Variants in ANO3 observed in about 807,000 individuals in gnomAD.
ANO3 encodes anoctamin 3.
A neutral mutation model predicts 144.8 loss-of-function variants in ANO3; 99 were observed. The ratio of observed to expected loss-of-function variants is 0.68; its 90% confidence interval spans 0.58 to 0.81. The LOEUF is 0.81. Among genes scored for constraint, ANO3 ranks in the 30% least tolerant of loss-of-function variants. The probability of loss-of-function intolerance (pLI) is 0.00; values close to 1 mark genes in which losing one functional copy is unlikely to be tolerated. For synonymous variants in ANO3, 414 were observed against 392.6 expected, an observed-to-expected ratio of 1.05 and a Z score of -0.64; for missense variants, 905 against 1,202.2, an observed-to-expected ratio of 0.75 and a Z score of 3.66.
chr11:26,526,524 A>G (rs747262965), intron 7 of ANO3, among the ~76,000 whole-genome samples: 3 of 152,166 alleles, frequency 2.0e-5, no homozygotes, highest in Non-Finnish European at 1.5e-5. Flanking sequence ...CTAGAACTGT[A>G]TGGTGTGAAT....
At chr11:26,406,671 A>G (rs1403973098) in intron 1 of ANO3, among the ~76,000 whole-genome samples, 4 of 134,450 alleles carry the variant, frequency 3.0e-5, no homozygotes, top group Non-Finnish European at 6.3e-5. Context: ...CCAATAATCT[A>G]TGGCAGTGTG....
intron 1 of ANO3, among the ~76,000 whole-genome samples, chr11:26,287,165 A>G (rs990917850): frequency 2.6e-5 from 4 of 152,210 alleles, no homozygotes; most frequent in African/African-American, 9.6e-5. Context: ...CTGTTAGACT[A>G]GACTATCTGC....
chr11:26,231,759 G>T (rs61877703), intron 1 of ANO3, among the ~76,000 whole-genome samples: 7 of 152,194 alleles, frequency 4.6e-5, no homozygotes, highest in Non-Finnish European at 8.8e-5. Context: ...CAAGGAATGC[G>T]TCTACGAATG....
intron 17 of ANO3, among the ~76,000 whole-genome samples, chr11:26,604,401 CT>C (rs1193996576): frequency 7.2e-5 from 11 of 152,100 alleles, no homozygotes; most frequent in South Asian, 2.1e-4. Flanking sequence ...ACGGGCTCTT[CT>C]TTGGTTTCAT....
At chr11:26,537,061 C>G (rs1849530291) in intron 9 of ANO3, among the ~76,000 whole-genome samples, 2 of 126,504 alleles carry the variant, frequency 1.6e-5, no homozygotes, top group Admixed American at 1.6e-4. Context: ...TAGAATTTGT[C>G]TTCTTTCTTG....
At position 26,223,837 on chromosome 11, in the gene ANO3, G is replaced by A. The variant is rs567107129; in HGVS notation, c.154+34507G>A. 1.4e-4 allele frequency among the ~76,000 whole-genome samples: 21 copies of A among 151,892 alleles called. No homozygotes were observed. In the South Asian group the frequency reaches 3.1e-3, roughly 23 times the overall value. On this transcript the variant is annotated intron_variant, in intron 1 of 27. Coordinates refer to the ANO3 transcript ENST00000672621. ...AGGCGCCACATTCTTTTAAACAACC[G>A]GATCTCAAGTGAACTGGTAGAGAGA...
intron 1 of ANO3, among the ~76,000 whole-genome samples, chr11:26,274,256 A>G (rs1283146025): frequency 1.3e-5 from 2 of 152,190 alleles, no homozygotes; most frequent in African/African-American, 4.8e-5. Context: ...ATTTACCAAT[A>G]TACAAATAAT....
At chr11:26,253,127 T>C (rs1192892520) in intron 1 of ANO3, among the ~76,000 whole-genome samples, 4 of 152,118 alleles carry the variant, frequency 2.6e-5, no homozygotes, top group African/African-American at 9.7e-5. Flanking sequence ...CTGTATTAGG[T>C]GGAAGCCATG....
intron 4 of ANO3, among the ~76,000 whole-genome samples, chr11:26,496,974 G>GTATATATATATATA (rs71047855): frequency 1.3e-3 from 177 of 136,504 alleles, no homozygotes; most frequent in East Asian, 4.1e-3. Flanking sequence ...AATGTTGTGT[G>GTATATATATATATA]TATATATATA....
At chr11:26,654,201 A>C (rs905850020) in intron 24 of ANO3, among the ~76,000 whole-genome samples, 3 of 152,142 alleles carry the variant, frequency 2.0e-5, no homozygotes, top group African/African-American at 7.2e-5. Flanking sequence ...ATTTTTTAAA[A>C]ATTTGAGAGA....
chr11:26,332,087 C>T, upstream of ANO3: 1 of 1,452,546 alleles, frequency 6.9e-7, no homozygotes, highest in African/African-American at 1.4e-5. Context: ...CTAGACCGCC[C>T]TCCCGCGTTC....
chr11:26,488,689 AG>A (rs553130446), intron 4 of ANO3, among the ~76,000 whole-genome samples: 120 of 152,322 alleles, frequency 7.9e-4, no homozygotes, highest in African/African-American at 2.8e-3. Context: ...CACTGACTTC[AG>A]GAATGAAGCT....
rs369691612 is a variant in ANO3, at chr11:26,243,810, C to T, written c.154+54480C>T. 1.4e-4 allele frequency among the ~76,000 whole-genome samples: 21 copies of T among 152,052 alleles called. No individual in the cohort carries two copies. In the South Asian group the frequency reaches 4.4e-3, roughly 32 times the overall value. ...ATTCTCAGAAAAATCTTAAATGAAGCCATGGTATGTGTTGTTTTTGAAAAA... is the reference window on the plus strand; with the variant it reads ...ATTCTCAGAAAAATCTTAAATGAAGTCATGGTATGTGTTGTTTTTGAAAAA... On this transcript the variant is annotated intron_variant, in intron 1 of 27. Transcript: ENST00000672621.
chr11:26,641,096 C>T (rs778882068), intron 21 of ANO3, among the ~76,000 whole-genome samples: 4 of 152,204 alleles, frequency 2.6e-5, no homozygotes, highest in Non-Finnish European at 4.4e-5. Flanking sequence ...AATTCATTAC[C>T]CAGAAGGCCA....
intron 11 of ANO3, 117 bp downstream of exon 11, chr11:26,542,185 C>A: frequency 8.7e-7 from 1 of 1,142,880 alleles, no homozygotes; most frequent in Non-Finnish European, 1.2e-6. Flanking sequence ...AAAGCAACCA[C>A]TATAAGATTT....
intron 17 of ANO3, among the ~76,000 whole-genome samples, chr11:26,608,266 A>G (rs553158644): frequency 2.0e-4 from 31 of 152,110 alleles, no homozygotes; most frequent in Non-Finnish European, 4.3e-4. Flanking sequence ...CCATGCCTGT[A>G]GATGTCACAC....
At chr11:26,267,523 G>A (rs150245513) in intron 1 of ANO3, among the ~76,000 whole-genome samples, 91 of 152,170 alleles carry the variant, frequency 6.0e-4, no homozygotes, top group Admixed American at 1.2e-3. Context: ...TTGGTTCAGC[G>A]GGTAACTGCA....
chr11:26,269,128 A>G (rs746424037), intron 1 of ANO3, among the ~76,000 whole-genome samples: 9 of 152,240 alleles, frequency 5.9e-5, no homozygotes, highest in Non-Finnish European at 1.2e-4. Flanking sequence ...CTCCACAAAC[A>G]AGACTCAGTG....
chr11:26,497,861 T>C (rs949017933), intron 4 of ANO3, among the ~76,000 whole-genome samples: 2 of 152,206 alleles, frequency 1.3e-5, no homozygotes, highest in Admixed American at 6.5e-5. Flanking sequence ...CTTGATCTTT[T>C]AGCATATAAG....
Sources: allele counts gnomAD v4.1 joint callset (sites outside exome capture counted in the v4.1 genomes callset), GRCh38; gene constraint gnomAD v4.1.1; transcripts MANE v1.5; gene names NCBI Gene and HGNC (gene_info 2026-07-23, HGNC 2026-07-21).